Variants in FAM229B observed in about 807,000 individuals in gnomAD.
FAM229B encodes protein FAM229B.
Under a neutral mutation model 6.7 loss-of-function variants are expected in FAM229B, and 2 were observed. That is an observed-to-expected ratio of 0.30 (90% CI 0.12 to 0.94). The LOEUF (loss-of-function observed/expected upper bound fraction) is 0.94. Among genes scored for constraint, FAM229B ranks in the 40% least tolerant of loss-of-function variants. The probability of loss-of-function intolerance (pLI) is 0.54; values close to 1 mark genes in which losing one functional copy is unlikely to be tolerated. For missense variants in FAM229B, 93 were observed against 96.2 expected (o/e 0.97, Z 0.14); for synonymous variants, 29 against 34.0 (o/e 0.85, Z 0.51).
chr6:112,090,583 T>C (rs931647930), intron 1 of FAM229B, among the ~76,000 whole-genome samples: 1 of 152,042 alleles, frequency 6.6e-6, no homozygotes, highest in Non-Finnish European at 1.5e-5. Context: ...AACCCCAAAA[T>C]CTCAGTGGTG....
Position 112,100,667 on chromosome 6 carries a change from C to G in FAM229B, c.126-3C>G, listed in dbSNP as rs782636899. 15 of 1,606,246 alleles carry G rather than the reference C, an allele frequency of 9.3e-6. No individual in the cohort carries two copies. The highest frequency in any genetic ancestry group is 1.1e-5 in the Non-Finnish European group (13 of 1,174,140). On this transcript the variant is annotated splice_region_variant and splice_polypyrimidine_tract_variant and intron_variant, in intron 3 of 3. Coordinates refer to ENST00000368656, the MANE Select transcript of FAM229B (RefSeq NM_001033564.3). ...ACTACATGTCATCTGCTTTTTTATT[C>G]AGGCAACTCCGGAGGTGCCCTGGAA...
intron 1 of FAM229B, among the ~76,000 whole-genome samples, chr6:112,090,692 A>G (rs1777246586): frequency 6.6e-6 from 1 of 152,044 alleles, no homozygotes; most frequent in South Asian, 2.1e-4. Flanking sequence ...CAGGCTGATG[A>G]TCTGCCATTA....
chr6:112,095,530 G>T (rs1241332903), intron 1 of FAM229B, among the ~76,000 whole-genome samples: 1 of 150,748 alleles, frequency 6.6e-6, no homozygotes, highest in Non-Finnish European at 1.5e-5. Context: ...TACTTGAGAT[G>T]CTGAGGCAGG....
intron 1 of FAM229B, among the ~76,000 whole-genome samples, chr6:112,093,508 C>A (rs1777283798): frequency 6.6e-6 from 1 of 152,044 alleles, no homozygotes; most frequent in African/African-American, 2.4e-5. Context: ...TTGAACAGTT[C>A]TATCAATCAA....
chr6:112,093,308 C>A (rs1777281433), intron 1 of FAM229B, among the ~76,000 whole-genome samples: 1 of 151,956 alleles, frequency 6.6e-6, no homozygotes, highest in African/African-American at 2.4e-5. Context: ...ATAAAGGTGT[C>A]ATTTCATCAA....
chr6:112,095,635 C>CAAAAAAAAAAAAAAAAAAACAAAAAAAA (rs1777311532), intron 1 of FAM229B, among the ~76,000 whole-genome samples: 2 of 48,796 alleles, frequency 4.1e-5, no homozygotes, highest in South Asian at 1.4e-3. Flanking sequence ...GACCCTGTCT[C>CAAAAAAAAAAAAAAAAAAACAAAAAAAA]AAAAAAAAAA....
chr6:112,092,333 T>G (rs1438069000), intron 1 of FAM229B, among the ~76,000 whole-genome samples: 2 of 151,880 alleles, frequency 1.3e-5, no homozygotes, highest in Non-Finnish European at 2.9e-5. Flanking sequence ...ATATTACATA[T>G]AGAGGAACAA....
chr6:112,089,285 G>C (rs1777225423), intron 1 of FAM229B, among the ~76,000 whole-genome samples: 2 of 151,990 alleles, frequency 1.3e-5, no homozygotes, highest in African/African-American at 4.8e-5. Flanking sequence ...AGGAAGACAA[G>C]GATGGAAGGG....
At chr6:112,093,094 T>C (rs1467260960) in intron 1 of FAM229B, among the ~76,000 whole-genome samples, 10 of 151,808 alleles carry the variant, frequency 6.6e-5, no homozygotes, top group Non-Finnish European at 1.5e-4. Context: ...AATTTCAAGA[T>C]AGAGGTCATC....
At chr6:112,090,948 C>T (rs1583603358) in intron 1 of FAM229B, among the ~76,000 whole-genome samples, 1 of 152,094 alleles carries the variant, frequency 6.6e-6, no homozygotes, top group Non-Finnish European at 1.5e-5. Flanking sequence ...ATCTATAAAA[C>T]TTATTCCTCC....
Position 112,100,877 on chromosome 6 carries a change from C to G in FAM229B, c.*90C>G. The stretch of plus-strand genomic sequence containing the variant: ...TCTGGTAAACAAATAAAAGTGGTGG[C>G]ACCTTTAGATGATGACAACAGTTGA... On this transcript the variant is annotated 3_prime_UTR_variant, in exon 4 of 4. Transcript: ENST00000368656. 1 of 952,614 alleles carries G rather than the reference C, an allele frequency of 1.0e-6. No homozygotes were observed. The highest frequency in any genetic ancestry group is 1.4e-5 in the South Asian group (1 of 69,946). The allele number at this position is 952,614 out of a possible 1,614,324, so 59.0% of individuals were successfully genotyped here.
intron 1 of FAM229B, among the ~76,000 whole-genome samples, chr6:112,091,231 A>G (rs1451683574): frequency 1.3e-5 from 2 of 152,116 alleles, no homozygotes; most frequent in Non-Finnish European, 2.9e-5. Flanking sequence ...TATATACCAC[A>G]TTTTCTTTAT....
rs1777365804 is a variant in FAM229B, at chr6:112,099,345, T to C, written c.62T>C (p.Ile21Thr). 2 of 1,613,928 alleles carry C rather than the reference T, an allele frequency of 1.2e-6. No individual in the cohort carries two copies. Among genetic ancestry groups the C allele is most frequent in the African/African-American group, 1.3e-5 (1 of 74,904 alleles). ...RFPVEGGDSS[I>T]ELEPGLSSSA... is the part of the protein sequence containing the mutation. ...CCAGTGGAAGGAGGAGATTCTTCAA[T>C]TGAGCTGGAACCTGGGCTGAGCTCC... is the stretch of plus-strand genomic sequence containing the variant. Residue 21 changes from isoleucine to threonine, a missense_variant, in exon 3 of 4, where the codon ATT becomes ACT. By Grantham distance (89) the Ile-to-Thr change is moderately conservative. Coordinates refer to ENST00000368656, the MANE Select transcript of FAM229B (RefSeq NM_001033564.3).
intron 1 of FAM229B, among the ~76,000 whole-genome samples, chr6:112,090,143 T>C (rs1284753542): frequency 6.6e-6 from 1 of 152,240 alleles, no homozygotes; most frequent in Non-Finnish European, 1.5e-5. Flanking sequence ...TAAAATGTTT[T>C]AGAAGAAAAT....
intron 2 of FAM229B, among the ~76,000 whole-genome samples, chr6:112,098,411 T>A (rs1777354298): frequency 6.6e-6 from 1 of 152,202 alleles, no homozygotes; most frequent in Admixed American, 6.5e-5. Flanking sequence ...ATATACTTAC[T>A]AATGCTCAGT....
At position 112,097,210 on chromosome 6, in the gene FAM229B, A is replaced by G. The variant is rs888050956; in HGVS notation, c.-15+9A>G. On this transcript the variant is annotated intron_variant, in intron 2 of 3. Transcript: ENST00000368656. Reference sequence around the variant, plus strand: ...AGACTCAGCCTCTTTTGGTAAGTCTATTTATCCTTGATCAAATTAGCTAAA... The same window carrying G: ...AGACTCAGCCTCTTTTGGTAAGTCTGTTTATCCTTGATCAAATTAGCTAAA... 6.6e-6 allele frequency: 1 copy of G among 152,176 alleles called. No homozygotes were observed. The highest frequency in any genetic ancestry group is 1.5e-5 in the Non-Finnish European group (1 of 68,028). The allele number at this position is 152,176 out of a possible 1,614,324, so 9.4% of individuals were successfully genotyped here. A position where few individuals can be genotyped will look rare whatever the true frequency, so the allele number is the denominator to read the frequency against.
At chr6:112,091,650 A>G (rs1410901350) in intron 1 of FAM229B, among the ~76,000 whole-genome samples, 2 of 152,156 alleles carry the variant, frequency 1.3e-5, no homozygotes, top group African/African-American at 4.8e-5. Context: ...AATAAAAATA[A>G]AATTGTTTAG....
At position 112,095,679 on chromosome 6, in the gene FAM229B, A is replaced by AG. The variant is rs1491142953; in HGVS notation, c.-175-1362_-175-1361insG. The stretch of plus-strand genomic sequence containing the variant: ...AAAAAAACCAAAAAAAAAAAAAAAG[A>AG]AAAAAAAAAACCTCTAACCTAATTC... On this transcript the variant is annotated intron_variant, in intron 1 of 3. Transcript: ENST00000368656. Among the ~76,000 whole-genome samples, 200 of 120,706 alleles carry AG rather than the reference A, an allele frequency of 1.7e-3. 2 individuals are homozygous for AG. Among genetic ancestry groups the AG allele is most frequent in the Middle Eastern group, 8.2e-3 (2 of 244 alleles). 79.2% of individuals were successfully genotyped at this position (120,706 alleles called of 152,430 possible).
intron 1 of FAM229B, among the ~76,000 whole-genome samples, chr6:112,094,591 C>T (rs908696451): frequency 2.0e-5 from 3 of 152,118 alleles, no homozygotes; most frequent in Admixed American, 6.5e-5. Flanking sequence ...CAAATCCTAT[C>T]GTAACCTACA....
Sources: gnomAD v4.1 joint callset for allele counts (sites outside exome capture counted in the v4.1 genomes callset) on GRCh38, gnomAD v4.1.1 for gene constraint, MANE v1.5 for transcripts, NCBI Gene and HGNC (gene_info 2026-07-23, HGNC 2026-07-21) for gene names.